The following CSMD1 variants were observed in gnomAD, a reference collection of about 807,000 sequenced individuals.
The protein encoded by CSMD1 is CUB and Sushi multiple domains 1, also known as CUB and sushi domain-containing protein 1.
Under a neutral mutation model 417.5 loss-of-function variants are expected in CSMD1, and 213 were observed. That is an observed-to-expected ratio of 0.51 (90% CI 0.46 to 0.57). The LOEUF is 0.57. Ranked by LOEUF, CSMD1 falls within the 20% of genes least tolerant of loss-of-function variation. The pLI, the probability that CSMD1 is intolerant of heterozygous loss-of-function variation, is 0.00. For missense variants in CSMD1, 6,923 were observed against 4,529.7 expected (o/e 1.53, Z -15.17); for synonymous variants, 2,862 against 1,736.8 (o/e 1.65, Z -16.11).
intron 37 of CSMD1, among the ~76,000 whole-genome samples, chr8:3,177,067 C>T (rs1363184788): frequency 6.6e-6 from 1 of 152,128 alleles, no homozygotes; most frequent in Non-Finnish European, 1.5e-5. Flanking sequence ...CATGAGCAAC[C>T]ATGCCCAGCT....
At position 4,953,674 on chromosome 8, in the gene CSMD1, G is replaced by C. The variant is rs532219304; in HGVS notation, c.85+40658C>G. Among the ~76,000 whole-genome samples, 5 of 152,228 alleles carry C rather than the reference G, an allele frequency of 3.3e-5. No individual in the cohort carries two copies. In the South Asian group the frequency reaches 8.3e-4, roughly 25 times the overall value. On this transcript the variant is annotated intron_variant, in intron 1 of 69. Transcript: ENST00000635120. ...CAGAATTAAATGTTATTCACATTAA[G>C]AAAAGAATTATCAATATGCTATTTT...
rs1452833296 is a variant in CSMD1, at chr8:3,110,322, G to A, written c.6444C>T (p.Tyr2148=). 32 of 1,609,732 alleles carry A rather than the reference G, an allele frequency of 2.0e-5. No homozygotes were observed. Among genetic ancestry groups the A allele is most frequent in the Non-Finnish European group, 2.6e-5 (31 of 1,178,250 alleles). The change falls in exon 43 of 70, where the codon TAC becomes TAT. Residue 2148 remains tyrosine (Y), a synonymous_variant. Transcript: ENST00000635120. The part of the protein sequence containing the change: ...PFPRCDAPCG[Y]NVTSQNGTIY... ...TGGTGCCGTTCTGAGAAGTTACGTT[G>A]TACCCACAAGGGGCTGCAAAGGAAA... is the stretch of plus-strand genomic sequence containing the variant.
In CSMD1 at chr8:3,321,569, C is replaced by G. The variant is rs533855847; in HGVS notation, c.3632-13066G>C. Among the ~76,000 whole-genome samples, 9 of 152,262 alleles carry G rather than the reference C, an allele frequency of 5.9e-5. No individual in the cohort carries two copies. The South Asian group carries it at 1.7e-3, about 28-fold the overall frequency. On this transcript the variant is annotated intron_variant, in intron 23 of 69. Transcript: ENST00000635120. ...GTCTAGAAATGAACCTCCCTGAACG[C>G]ACGGGTAGCCCAGAGAACATGCATT...
chr8:3,669,608 G>T (rs1429236444), intron 7 of CSMD1, among the ~76,000 whole-genome samples: 1 of 152,284 alleles, frequency 6.6e-6, no homozygotes, highest in South Asian at 2.1e-4. Flanking sequence ...ATCACGACAG[G>T]GAAGACAAGC....
chr8:3,442,132 T>A (rs1212456818), intron 12 of CSMD1, among the ~76,000 whole-genome samples: 1 of 151,958 alleles, frequency 6.6e-6, no homozygotes, highest in South Asian at 2.1e-4. Flanking sequence ...TATAAAAATA[T>A]TTTTGTGCAA....
intron 12 of CSMD1, among the ~76,000 whole-genome samples, chr8:3,437,816 C>T (rs1368152708): frequency 3.3e-5 from 5 of 151,610 alleles, no homozygotes; most frequent in East Asian, 2.0e-4. Context: ...GGCACAATCT[C>T]GGCTCACTGC....
At chr8:4,282,821 T>C (rs1796860207) in intron 3 of CSMD1, among the ~76,000 whole-genome samples, 1 of 152,248 alleles carries the variant, frequency 6.6e-6, no homozygotes, top group Admixed American at 6.5e-5. Flanking sequence ...ATATATCAGA[T>C]TCAACAAGCA....
chr8:4,035,518 G>A (rs1168778496), intron 3 of CSMD1, among the ~76,000 whole-genome samples: 4 of 149,482 alleles, frequency 2.7e-5, no homozygotes, highest in Admixed American at 6.6e-5. Context: ...AAGACCTTCT[G>A]GTGGGACAAG....
chr8:4,171,495 G>A (rs1584952848), intron 3 of CSMD1, among the ~76,000 whole-genome samples: 1 of 151,760 alleles, frequency 6.6e-6, no homozygotes. Context: ...ATGCATATGT[G>A]ATCAATCTTT....
intron 49 of CSMD1, among the ~76,000 whole-genome samples, chr8:3,064,437 T>A (rs1812788333): frequency 6.6e-6 from 1 of 152,198 alleles, no homozygotes; most frequent in African/African-American, 2.4e-5. Flanking sequence ...TCTGCCATGA[T>A]TGTAAGTTTC....
At chr8:4,737,174 T>C (rs1402709704) in intron 1 of CSMD1, among the ~76,000 whole-genome samples, 2 of 152,184 alleles carry the variant, frequency 1.3e-5, no homozygotes, top group Non-Finnish European at 2.9e-5. Context: ...AATGAGATCA[T>C]GTCCTCTGCA....
chr8:4,654,990 C>G (rs1263249174), intron 1 of CSMD1, among the ~76,000 whole-genome samples: 2 of 151,098 alleles, frequency 1.3e-5, no homozygotes, highest in East Asian at 3.9e-4. Context: ...AAATAACTAA[C>G]CATTGTTTGA....
At chr8:4,485,600 G>C (rs1337443509) in intron 2 of CSMD1, among the ~76,000 whole-genome samples, 2 of 152,086 alleles carry the variant, frequency 1.3e-5, no homozygotes, top group Admixed American at 6.6e-5. Flanking sequence ...GTTCAAGCTA[G>C]AAAATGGATA....
At chr8:4,535,216 A>G (rs1297631868) in intron 2 of CSMD1, among the ~76,000 whole-genome samples, 1 of 152,236 alleles carries the variant, frequency 6.6e-6, no homozygotes, top group East Asian at 1.9e-4. Context: ...TCAATAACAT[A>G]GTCAATAACT....
intron 40 of CSMD1, among the ~76,000 whole-genome samples, chr8:3,145,015 T>C (rs1460671771): frequency 2.0e-5 from 3 of 151,652 alleles, no homozygotes; most frequent in Non-Finnish European, 4.4e-5. Context: ...ATGAATCTTG[T>C]TACTAATAAG....
chr8:4,192,210 G>C (rs1374229048), intron 3 of CSMD1, among the ~76,000 whole-genome samples: 1 of 152,088 alleles, frequency 6.6e-6, no homozygotes, highest in Non-Finnish European at 1.5e-5. Context: ...AGTTAAAACA[G>C]CAAAGATGAT....
intron 37 of CSMD1, among the ~76,000 whole-genome samples, 165 bp from the exon 38 acceptor site, chr8:3,162,442 C>A (rs1038326505): frequency 6.6e-6 from 1 of 152,144 alleles, no homozygotes. Flanking sequence ...ACCTTTAAAT[C>A]AGAGCTATGA....
intron 3 of CSMD1, among the ~76,000 whole-genome samples, chr8:4,189,824 C>A (rs1287243907): frequency 6.6e-6 from 1 of 152,198 alleles, no homozygotes; most frequent in East Asian, 1.9e-4. Context: ...AAAGTGGATT[C>A]AAAGAGCACA....
At chr8:4,139,477 G>A (rs567773674) in intron 3 of CSMD1, among the ~76,000 whole-genome samples, 2 of 151,414 alleles carry the variant, frequency 1.3e-5, no homozygotes, top group African/African-American at 4.9e-5. Flanking sequence ...AGTCCAGTGA[G>A]GAAGGTGGCG....
Sources: allele counts gnomAD v4.1 joint callset (sites outside exome capture counted in the v4.1 genomes callset), GRCh38; gene constraint gnomAD v4.1.1; transcripts MANE v1.5; gene names NCBI Gene and HGNC (gene_info 2026-07-23, HGNC 2026-07-21).